The following SLC35F4 variants were observed in gnomAD, a reference collection of about 807,000 sequenced individuals.
SLC35F4 encodes chromosome 14 open reading frame 36.
Under a neutral mutation model 44.2 loss-of-function variants are expected in SLC35F4, and 24 were observed. That is an observed-to-expected ratio of 0.54 (90% confidence interval 0.39 to 0.76). The LOEUF (loss-of-function observed/expected upper bound fraction) is 0.76. SLC35F4 is among the 30% of genes least tolerant of loss of function. SLC35F4 has a pLI of 0.00. For missense variants in SLC35F4, 562 were observed against 586.1 expected (o/e 0.96, Z 0.42); for synonymous variants, 238 against 223.6 (o/e 1.06, Z -0.57).
chr14:57,802,392 C>T (rs1387163490), intron 1 of SLC35F4, among the ~76,000 whole-genome samples: 1 of 151,418 alleles, frequency 6.6e-6, no homozygotes, highest in Non-Finnish European at 1.5e-5. Context: ...ATCTCAACAA[C>T]CTAACATCTC....
intron 1 of SLC35F4, among the ~76,000 whole-genome samples, chr14:57,935,456 G>C (rs1889779011): frequency 6.6e-6 from 1 of 152,238 alleles, no homozygotes. Context: ...AGACTGTAGA[G>C]AGAAGCTCAC....
chr14:57,829,748 T>C (rs1003041133), intron 1 of SLC35F4, among the ~76,000 whole-genome samples: 2 of 152,184 alleles, frequency 1.3e-5, no homozygotes, highest in African/African-American at 4.8e-5. Flanking sequence ...GATCACTGGC[T>C]GGTTGTGTGT....
chr14:57,588,357 A>ATTGTTT (rs67379614), intron 3 of SLC35F4, among the ~76,000 whole-genome samples: 6 of 150,592 alleles, frequency 4.0e-5, no homozygotes, highest in Non-Finnish European at 7.4e-5. Flanking sequence ...TGGTGTCCCT[A>ATTGTTT]TTTTTTTTTC....
At chr14:57,927,456 A>G (rs1889600540) in intron 1 of SLC35F4, among the ~76,000 whole-genome samples, 1 of 147,934 alleles carries the variant, frequency 6.8e-6, no homozygotes, top group South Asian at 2.1e-4. Flanking sequence ...CTGAGTGACT[A>G]GGTGGTTTGA....
chr14:57,641,310 A>T (rs535451604), intron 1 of SLC35F4, among the ~76,000 whole-genome samples: 2 of 149,286 alleles, frequency 1.3e-5, no homozygotes, highest in South Asian at 4.4e-4. Flanking sequence ...AATCTTACCA[A>T]AGCCAACTGA....
chr14:57,635,367 G>T (rs1594656544), intron 1 of SLC35F4, among the ~76,000 whole-genome samples: 1 of 152,050 alleles, frequency 6.6e-6, no homozygotes, highest in African/African-American at 2.4e-5. Context: ...AGTGCGGAGA[G>T]GGGTCGGAGG....
chr14:57,968,960 G>A (rs1280642011), intron 1 of SLC35F4, among the ~76,000 whole-genome samples: 4 of 152,154 alleles, frequency 2.6e-5, no homozygotes, highest in African/African-American at 9.7e-5. Context: ...ACTCAAATAT[G>A]TTATCTAACA....
At chr14:57,754,595 G>A (rs1001092706) in intron 1 of SLC35F4, among the ~76,000 whole-genome samples, 4 of 152,146 alleles carry the variant, frequency 2.6e-5, no homozygotes, top group African/African-American at 9.7e-5. Context: ...ATGAGTGCAT[G>A]ACCCGTGCAT....
intron 1 of SLC35F4, among the ~76,000 whole-genome samples, chr14:57,608,390 T>C (rs896318366): frequency 6.6e-6 from 1 of 152,104 alleles, no homozygotes; most frequent in Non-Finnish European, 1.5e-5. Flanking sequence ...CACACACTCA[T>C]GGGGAGAACA....
intron 1 of SLC35F4, among the ~76,000 whole-genome samples, chr14:57,696,126 C>T (rs2075376437): frequency 6.6e-6 from 1 of 152,078 alleles, no homozygotes; most frequent in Non-Finnish European, 1.5e-5. Flanking sequence ...GCAAAAGAAA[C>T]TATCAGAGTG....
At chr14:57,845,648 A>C (rs1255046706) in intron 1 of SLC35F4, among the ~76,000 whole-genome samples, 1 of 152,246 alleles carries the variant, frequency 6.6e-6, no homozygotes, top group African/African-American at 2.4e-5. Context: ...TGAGATTCTC[A>C]TTCCTGATTT....
intron 1 of SLC35F4, among the ~76,000 whole-genome samples, chr14:57,690,069 A>G (rs149598550): frequency 2.4e-4 from 37 of 152,144 alleles, no homozygotes; most frequent in African/African-American, 8.9e-4. Context: ...TTTCATCTCT[A>G]CTTCTAAACT....
At chr14:57,809,442 T>C (rs1881716440) in intron 1 of SLC35F4, among the ~76,000 whole-genome samples, 1 of 152,142 alleles carries the variant, frequency 6.6e-6, no homozygotes, top group Admixed American at 6.6e-5. Flanking sequence ...GTCTGTGCAG[T>C]GGCTAGAAGA....
intron 1 of SLC35F4, among the ~76,000 whole-genome samples, chr14:57,793,283 G>A (rs1484256193): frequency 6.6e-6 from 1 of 151,666 alleles, no homozygotes; most frequent in African/African-American, 2.4e-5. Flanking sequence ...AGGGGTACAA[G>A]TGGTTTTTGG....
chr14:57,930,827 A>G (rs1889682781), intron 1 of SLC35F4, among the ~76,000 whole-genome samples: 1 of 152,214 alleles, frequency 6.6e-6, no homozygotes, highest in Non-Finnish European at 1.5e-5. Flanking sequence ...CATGCTTAAA[A>G]GGCAACCACC....
intron 1 of SLC35F4, among the ~76,000 whole-genome samples, chr14:57,620,060 G>A (rs891338279): frequency 6.6e-6 from 1 of 152,160 alleles, no homozygotes. Context: ...CCAAATGTGT[G>A]TTTGATTGGT....
chr14:57,935,583 C>A (rs759573912), intron 1 of SLC35F4, among the ~76,000 whole-genome samples: 9 of 152,140 alleles, frequency 5.9e-5, no homozygotes, highest in Non-Finnish European at 1.3e-4. Context: ...TAATATTATT[C>A]TTTTTAGAGT....
chr14:57,657,457 A>AT lies in SLC35F4; in HGVS notation c.104-63334dup, dbSNP rs2074003486. Among the ~76,000 whole-genome samples the AT allele has an allele frequency of 3.3e-5, 5 of 151,988 alleles. No homozygotes were observed. In the South Asian group the frequency reaches 1.0e-3, roughly 32 times the overall value. On this transcript the variant is annotated intron_variant, in intron 1 of 7. Transcript: ENST00000556826. ...AGCCCAGCACATGGCCATTAGTAAT[A>AT]TTTTTTATTTCTGGCATGACATAAT...
chr14:57,654,068 C>G (rs183523290), intron 1 of SLC35F4, among the ~76,000 whole-genome samples: 3 of 152,134 alleles, frequency 2.0e-5, no homozygotes, highest in Non-Finnish European at 2.9e-5. Context: ...CCCTTTATAA[C>G]GACACCAGTC....
Sources: gnomAD v4.1 joint callset for allele counts (sites outside exome capture counted in the v4.1 genomes callset) on GRCh38, gnomAD v4.1.1 for gene constraint, MANE v1.5 for transcripts, NCBI Gene and HGNC (gene_info 2026-07-23, HGNC 2026-07-21) for gene names.